The following CEP350 variants were observed in gnomAD, a reference collection of about 807,000 sequenced individuals.
CEP350 encodes the protein centrosomal protein 350.
In CEP350, 126 loss-of-function variants were observed where a neutral mutation model predicts 331.8. The observed-to-expected ratio is 0.38, with a 90% CI of 0.33 to 0.44. The LOEUF is 0.44. CEP350 is among the 20% of genes least tolerant of loss of function. The pLI, the probability that CEP350 is intolerant of heterozygous loss-of-function variation, is 1.00. For synonymous variants in CEP350, 1,200 were observed against 1,259.5 expected, an observed-to-expected ratio of 0.95 and a Z score of 1.00; for missense variants, 3,406 against 3,634.6, an observed-to-expected ratio of 0.94 and a Z score of 1.62.
At chr1:180,001,506 G>A (rs756067289) in intron 6 of CEP350, among the ~76,000 whole-genome samples, 4 of 152,118 alleles carry the variant, frequency 2.6e-5, no homozygotes, top group South Asian at 4.1e-4. Flanking sequence ...TGATCCACTC[G>A]CCTCAGCCTC....
chr1:179,997,799 G>A (rs1653567975), intron 6 of CEP350, among the ~76,000 whole-genome samples: 4 of 152,012 alleles, frequency 2.6e-5, no homozygotes, highest in African/African-American at 9.7e-5. Flanking sequence ...TTGTTATTAG[G>A]AATTATTTCA....
rs1031812323 is a variant in CEP350, at chr1:180,094,675, C to T, written c.8511+59C>T. 31 of 1,516,084 alleles carry T rather than the reference C, an allele frequency of 2.0e-5. No homozygotes were observed. In the African/African-American group the frequency reaches 4.2e-4, roughly 20 times the overall value. 93.9% of individuals were successfully genotyped at this position (1,516,084 alleles called of 1,614,324 possible). Reference sequence around the variant, plus strand: ...CCTTTTGACACTTTTAACAAGGCAACTTACCTTGCCTATATAGTACATTTT... The same window carrying T: ...CCTTTTGACACTTTTAACAAGGCAATTTACCTTGCCTATATAGTACATTTT... On this transcript the variant is annotated intron_variant, in intron 34 of 37. Coordinates refer to ENST00000367607, the MANE Select transcript of CEP350 (RefSeq NM_014810.5).
At chr1:180,033,812 T>C in intron 15 of CEP350, 50 bp from the exon 16 acceptor site, 1 of 1,553,090 alleles carries the variant, frequency 6.4e-7, no homozygotes, top group Non-Finnish European at 8.8e-7. Context: ...TTAGCTGGTT[T>C]ACAAAGTACT....
intron 27 of CEP350, among the ~76,000 whole-genome samples, chr1:180,067,078 T>C (rs1440141668): frequency 6.6e-6 from 1 of 152,212 alleles, no homozygotes; most frequent in African/African-American, 2.4e-5. Flanking sequence ...GTTTCTGGGA[T>C]GCTTATTTAT....
In CEP350 at chr1:180,093,169, A is replaced by G; in HGVS notation, c.7064A>G (p.Asn2355Ser). ...QSGKDIHEQK[N>S]TKEKDLSWSE... is the part of the protein sequence containing the mutation. Reference sequence around the variant, plus strand: ...GGAAAAGACATTCACGAACAAAAGAACACAAAGGAAAAAGATTTGTCTTGG... The same window carrying G: ...GGAAAAGACATTCACGAACAAAAGAGCACAAAGGAAAAAGATTTGTCTTGG... The change falls in exon 34 of 38, where the codon AAC becomes AGC. Residue 2355 changes from asparagine to serine, a missense_variant. By Grantham distance (46) the Asn-to-Ser change is conservative. This residue lies in a region of CEP350 where 1,415 missense variants were observed against 1,512.3 expected (regional missense o/e 0.94). Transcript: ENST00000367607. 6.3e-7 allele frequency: 1 copy of G among 1,598,258 alleles called. No homozygotes were observed. Among genetic ancestry groups the G allele is most frequent in the Non-Finnish European group, 8.5e-7 (1 of 1,171,408 alleles).
chr1:180,071,805 A>G (rs1418858253), intron 27 of CEP350, among the ~76,000 whole-genome samples: 3 of 151,964 alleles, frequency 2.0e-5, no homozygotes, highest in Non-Finnish European at 4.4e-5. Context: ...CGAATTAAGT[A>G]CTCATTAATT....
At chr1:180,036,069 T>G (rs939944258) in intron 16 of CEP350, among the ~76,000 whole-genome samples, 10 of 152,292 alleles carry the variant, frequency 6.6e-5, no homozygotes, top group Admixed American at 2.0e-4. Flanking sequence ...CGTGGATGAC[T>G]TTGAGGGGTT....
intron 14 of CEP350, 49 bp from the exon 15 acceptor site, chr1:180,031,271 A>T: frequency 9.0e-7 from 1 of 1,105,254 alleles, no homozygotes; most frequent in Non-Finnish European, 1.3e-6. Flanking sequence ...TATCTCTCTC[A>T]ATAACTTCTA....
At chr1:180,021,199 A>G (rs1239637587) in intron 12 of CEP350, among the ~76,000 whole-genome samples, 190 bp downstream of exon 12, 1 of 152,196 alleles carries the variant, frequency 6.6e-6, no homozygotes, top group Admixed American at 6.5e-5. Context: ...TTAATCTTTA[A>G]AATTTCATTT....
Position 180,112,957 on chromosome 1 carries a change from T to C in CEP350, c.*1796T>C, listed in dbSNP as rs1661531341. The C allele has an allele frequency of 6.6e-6, 1 of 152,624 alleles. No homozygotes were observed. 9.5% of individuals were successfully genotyped at this position (152,624 alleles called of 1,614,324 possible). On this transcript the variant is annotated 3_prime_UTR_variant, in exon 38 of 38. Coordinates refer to ENST00000367607, the MANE Select transcript of CEP350 (RefSeq NM_014810.5). ...TAAGGAAAGCACTGAAATGTTGTGA[T>C]TGGGTCTCGGGAAATGCTCAGATTG... is the stretch of plus-strand genomic sequence containing the variant.
chr1:180,004,384 C>T (rs1654067191), intron 7 of CEP350, among the ~76,000 whole-genome samples: 2 of 152,174 alleles, frequency 1.3e-5, no homozygotes, highest in South Asian at 4.1e-4. Context: ...GATGTTACTT[C>T]AGCCCTGTTG....
Position 180,040,054 on chromosome 1 carries a change from A to G in CEP350, c.4111-1084A>G, listed in dbSNP as rs199739573. Among the ~76,000 whole-genome samples, 587 of 145,186 alleles carry G rather than the reference A, an allele frequency of 4.0e-3. 5 individuals carry two copies. The highest frequency in any genetic ancestry group is 5.5e-3 in the Non-Finnish European group (365 of 65,810). On this transcript the variant is annotated intron_variant, in intron 17 of 37. Coordinates refer to ENST00000367607, the MANE Select transcript of CEP350 (RefSeq NM_014810.5). ...TTTTTTTTTTTCAGTTTCCTTTTCCATTTGTTCTTCCCAAAAGACCCGTCA... is the reference window on the plus strand; with the variant it reads ...TTTTTTTTTTTCAGTTTCCTTTTCCGTTTGTTCTTCCCAAAAGACCCGTCA...
At chr1:180,076,927 C>T (rs375139211) in intron 28 of CEP350, among the ~76,000 whole-genome samples, 1 of 151,988 alleles carries the variant, frequency 6.6e-6, no homozygotes, top group Non-Finnish European at 1.5e-5. Context: ...TAATAGATAC[C>T]GTACTTAATG....
intron 14 of CEP350, among the ~76,000 whole-genome samples, chr1:180,025,381 A>G (rs1376387036): frequency 6.6e-6 from 1 of 152,158 alleles, no homozygotes; most frequent in Non-Finnish European, 1.5e-5. Context: ...GAGATAATGT[A>G]TACATTCCGG....
chr1:180,061,195 A>ATTGG (rs1226398697), intron 25 of CEP350, among the ~76,000 whole-genome samples: 2 of 149,706 alleles, frequency 1.3e-5, no homozygotes, highest in Non-Finnish European at 2.9e-5. Flanking sequence ...ACATTGATTG[A>ATTGG]TTGATTGATT....
rs1262231283 is a variant in CEP350, at chr1:180,024,461, T to G, written c.3429T>G (p.Ser1143=). 1 of 1,612,886 alleles carries G rather than the reference T, an allele frequency of 6.2e-7. No individual in the cohort carries two copies. The highest frequency in any genetic ancestry group is 8.5e-7 in the Non-Finnish European group (1 of 1,179,376). ...AGGAGGACCATTCTAACAGAAAGTC[T>G]GCCTATGATCCTTCCTCTGTGGATG... ...SPQEDHSNRK[S]AYDPSSVDVT... The change falls in exon 14 of 38, where the codon TCT becomes TCG. Residue 1143 remains serine, a synonymous_variant. Coordinates refer to ENST00000367607, the MANE Select transcript of CEP350 (RefSeq NM_014810.5).
At chr1:180,073,680 T>A in intron 27 of CEP350, 1 of 796,144 alleles carries the variant, frequency 1.3e-6, no homozygotes, top group Middle Eastern at 3.4e-4. Flanking sequence ...ATAATGTTCT[T>A]CAGGAAGCAT....
rs1227253294 is a variant in CEP350, at chr1:180,031,330, A to C, written c.3561A>C (p.Ser1187=). The change falls in exon 15 of 38, where the codon TCA becomes TCC. Residue 1187 remains serine, a synonymous_variant. Coordinates refer to ENST00000367607, the MANE Select transcript of CEP350 (RefSeq NM_014810.5). ...AAATTTACTTTACAGGGTTGGATTC[A>C]TTCACTGGAAATGTTCAGAACTCAC... is the stretch of plus-strand genomic sequence containing the variant. ...GKKEKTEWLD[S]FTGNVQNSLL... 6.2e-7 allele frequency: 1 copy of C among 1,601,668 alleles called. No homozygotes were observed. The highest frequency in any genetic ancestry group is 1.3e-5 in the African/African-American group (1 of 74,318).
intron 27 of CEP350, among the ~76,000 whole-genome samples, chr1:180,068,904 AAG>A (rs1409503151): frequency 5.9e-5 from 9 of 152,170 alleles, no homozygotes; most frequent in Non-Finnish European, 1.2e-4. Context: ...AAGTTCAGAA[AAG>A]AGAAATTCTT....
Sources: allele counts gnomAD v4.1 joint callset (sites outside exome capture counted in the v4.1 genomes callset), GRCh38; gene constraint gnomAD v4.1.1; regional missense constraint gnomAD v4.1.1; transcripts MANE v1.5; gene names NCBI Gene and HGNC (gene_info 2026-07-23, HGNC 2026-07-21).